Variants in VCAN observed in about 807,000 individuals in gnomAD.
VCAN encodes versican core protein.
A neutral mutation model predicts 245.5 loss-of-function variants in VCAN; 44 were observed. The ratio of observed to expected loss-of-function variants is 0.18; its 90% CI spans 0.14 to 0.23. The LOEUF (loss-of-function observed/expected upper bound fraction) is 0.23, where lower values mean the gene tolerates loss of function less well. Ranked by LOEUF, VCAN falls within the 10% of genes least tolerant of loss-of-function variation. The probability of loss-of-function intolerance (pLI) is 1.00; values close to 1 mark genes in which losing one functional copy is unlikely to be tolerated. For synonymous variants in VCAN, 1,413 were observed against 1,437.0 expected (o/e 0.98, Z 0.38); for missense variants, 3,793 against 4,057.9 (o/e 0.93, Z 1.77).
At chr5:83,562,715 C>G (rs1303853153) in intron 12 of VCAN, among the ~76,000 whole-genome samples, 2 of 151,936 alleles carry the variant, frequency 1.3e-5, no homozygotes, top group Non-Finnish European at 2.9e-5. Flanking sequence ...ACATTTGGAT[C>G]GTCAGCCCTT....
intron 2 of VCAN, among the ~76,000 whole-genome samples, chr5:83,488,514 G>A (rs1744860551): frequency 6.6e-6 from 1 of 152,256 alleles, no homozygotes; most frequent in South Asian, 2.1e-4. Context: ...CCTTTGTAAG[G>A]AATTCGACCA....
Position 83,580,662 on chromosome 5 carries a change from CCTAT to C in VCAN, c.*232_*235del, listed in dbSNP as rs372079782. On this transcript the variant is annotated 3_prime_UTR_variant, in exon 15 of 15. Coordinates refer to ENST00000265077, the MANE Select transcript of VCAN (RefSeq NM_004385.5). ...GAGAGCAGAAAGTAAGCATTTCCAG[CCTAT>C]CTAATTTCTTTAGTTTTCTATTTGC... 509 of 586,898 alleles carry C rather than the reference CCTAT, an allele frequency of 8.7e-4. 2 individuals carry two copies. The highest frequency in any genetic ancestry group is 7.5e-3 in the African/African-American group (399 of 53,418). The allele number at this position is 586,898 out of a possible 1,614,324, so 36.4% of individuals were successfully genotyped here. A position where few individuals can be genotyped will look rare whatever the true frequency, so the allele number is the denominator to read the frequency against.
At chr5:83,506,345 A>G (rs1028258196) in intron 5 of VCAN, among the ~76,000 whole-genome samples, 1 of 152,130 alleles carries the variant, frequency 6.6e-6, no homozygotes, top group Non-Finnish European at 1.5e-5. Context: ...GTGCTTAGAA[A>G]TTTCTTCCAC....
chr5:83,566,587 T>G (rs1482278477), intron 12 of VCAN, among the ~76,000 whole-genome samples: 2 of 152,146 alleles, frequency 1.3e-5, no homozygotes, highest in Non-Finnish European at 2.9e-5. Context: ...CATCATCTTT[T>G]TTTTTCCTGG....
rs1227510254 is a variant in VCAN at position 83,541,995 on chromosome 5, A to G, written c.8992A>G (p.Thr2998Ala). 8.1e-6 allele frequency: 13 copies of G among 1,612,250 alleles called. No individual in the cohort carries two copies. In the East Asian group the frequency reaches 2.9e-4, roughly 36 times the overall value. Reference sequence around the variant, plus strand: ...TGTGGTGCCTTGGCTAAGTCCACAGACTTCTGAGAGGCCCACGCTTTCTTC... The same window carrying G: ...TGTGGTGCCTTGGCTAAGTCCACAGGCTTCTGAGAGGCCCACGCTTTCTTC... ...AGVVPWLSPQTSERPTLSSSP... is the reference protein window; with the variant it reads ...AGVVPWLSPQASERPTLSSSP... Residue 2998 changes from threonine to alanine, a missense_variant, in exon 8 of 15, where the codon ACT becomes GCT. Around this residue, in one of 5 missense-constraint regions of VCAN, gnomAD observed 3,182 missense variants for 3,250.3 expected, o/e 0.98. Coordinates refer to ENST00000265077, the MANE Select transcript of VCAN (RefSeq NM_004385.5).
chr5:83,485,110 C>A (rs768736845), intron 2 of VCAN, among the ~76,000 whole-genome samples: 1 of 152,086 alleles, frequency 6.6e-6, no homozygotes, highest in Non-Finnish European at 1.5e-5. Flanking sequence ...CATCCATTAC[C>A]CCTGTATTCT....
intron 7 of VCAN, among the ~76,000 whole-genome samples, chr5:83,527,326 T>C (rs1746341033): frequency 6.6e-6 from 1 of 152,182 alleles, no homozygotes; most frequent in African/African-American, 2.4e-5. Flanking sequence ...TCTCTGAAAG[T>C]GGATGGGTCT....
intron 12 of VCAN, among the ~76,000 whole-genome samples, chr5:83,558,073 G>A (rs1307745092): frequency 1.3e-5 from 2 of 152,020 alleles, no homozygotes; most frequent in Non-Finnish European, 2.9e-5. Flanking sequence ...GGTCTCCCTC[G>A]CATTCAACTG....
rs765299048 is a variant in VCAN at position 83,539,503 on chromosome 5, A to T, written c.6500A>T (p.Asp2167Val). The stretch of plus-strand genomic sequence containing the variant: ...ACAACAAAGAAAACTTACAGTGATG[A>T]TAAAGAAATGAAGGAGGAAGACACT... ...VLTTKKTYSDDKEMKEEDTSL... is the reference protein window; with the variant it reads ...VLTTKKTYSDVKEMKEEDTSL... Residue 2167 changes from aspartate (D) to valine (V), a missense_variant, in exon 8 of 15, where the codon GAT becomes GTT. Coordinates refer to ENST00000265077, the MANE Select transcript of VCAN (RefSeq NM_004385.5). The T allele has an allele frequency of 6.2e-7, 1 of 1,613,994 alleles. No homozygotes were observed. The highest frequency in any genetic ancestry group is 1.7e-5 in the Admixed American group (1 of 59,970).
In VCAN at chr5:83,553,349, C is replaced by T. The variant is rs768279273; in HGVS notation, c.9494-15C>T. 2.5e-6 allele frequency: 4 copies of T among 1,613,840 alleles called. No homozygotes were observed. The highest frequency in any genetic ancestry group is 3.4e-6 in the Non-Finnish European group (4 of 1,179,870). ...CGTATGTGCGTTTAATAAGCTCCTG[C>T]CTGTTTCTTCTCAGATACCGAGACA... On this transcript the variant is annotated splice_polypyrimidine_tract_variant and intron_variant, in intron 10 of 14. Transcript: ENST00000265077.
At chr5:83,576,765 G>A (rs1748499133) in intron 13 of VCAN, among the ~76,000 whole-genome samples, 2 of 152,004 alleles carry the variant, frequency 1.3e-5, no homozygotes, top group Non-Finnish European at 2.9e-5. Context: ...TTGCCAATCT[G>A]GTGGGTATAA....
rs1745990536 is a variant in VCAN at position 83,519,554 on chromosome 5, A to G, written c.1248A>G (p.Thr416=). Reference sequence around the variant, plus strand: ...CCACAGTCCAACCTCAGGCTATCACAGATAGTTTAGCCACCAAATTACCCA... The same window carrying G: ...CCACAGTCCAACCTCAGGCTATCACGGATAGTTTAGCCACCAAATTACCCA... ...QKATVQPQAI[T]DSLATKLPTP... Residue 416 remains threonine, a synonymous_variant, in exon 7 of 15, where the codon ACA becomes ACG. Transcript: ENST00000265077. 1 of 1,614,166 alleles carries G rather than the reference A, an allele frequency of 6.2e-7. No homozygotes were observed. The highest frequency in any genetic ancestry group is 8.5e-7 in the Non-Finnish European group (1 of 1,179,988).
intron 12 of VCAN, among the ~76,000 whole-genome samples, chr5:83,566,288 A>C (rs1271270232): frequency 6.6e-6 from 1 of 152,106 alleles, no homozygotes; most frequent in African/African-American, 2.4e-5. Flanking sequence ...TAACCTTTGC[A>C]AAAAGGCAGT....
In VCAN at chr5:83,521,415, T is replaced by C. The variant is rs146763344; in HGVS notation, c.3109T>C (p.Trp1037Arg). Residue 1037 changes from tryptophan (W) to arginine (R), a missense_variant, in exon 7 of 15, where the codon TGG becomes CGG. This residue lies in a region of VCAN where 3,182 missense variants were observed against 3,250.3 expected (regional missense o/e 0.98). Coordinates refer to ENST00000265077, the MANE Select transcript of VCAN (RefSeq NM_004385.5). ...TEGTTQEEFP[W>R]KEQTAEKPVP... ...GGGAACAACTCAGGAAGAATTCCCT[T>C]GGAAAGAACAGACTGCAGAGAAACC... 2.6e-5 allele frequency: 42 copies of C among 1,613,984 alleles called. No homozygotes were observed. The African/African-American group carries it at 4.7e-4, about 18-fold the overall frequency.
intron 1 of VCAN, among the ~76,000 whole-genome samples, chr5:83,479,151 A>G (rs1396838066): frequency 1.3e-5 from 2 of 152,192 alleles, no homozygotes; most frequent in African/African-American, 2.4e-5. Flanking sequence ...ACCAGTGAGC[A>G]ATATGATATG....
chr5:83,537,500 T>G lies in VCAN; in HGVS notation c.4497T>G (p.Asp1499Glu), dbSNP rs756940964. The G allele has an allele frequency of 1.9e-6, 3 of 1,613,946 alleles. No individual in the cohort carries two copies. Among genetic ancestry groups the G allele is most frequent in the East Asian group, 2.2e-5 (1 of 44,854 alleles). ...AACATTTTTCAGGTGGTGAGCCTGA[T>G]GTTTTCCCCACAGTCCCATTCCATG... ...TSEHFSGGEP[D>E]VFPTVPFHEE... The change falls in exon 8 of 15, where the codon GAT (aspartate) becomes GAG (glutamate). Residue 1499 changes from aspartate to glutamate, a missense_variant. Physicochemically the swap from Asp to Glu is conservative, Grantham distance 45. Coordinates refer to ENST00000265077, the MANE Select transcript of VCAN (RefSeq NM_004385.5).
In VCAN at chr5:83,483,577, C is replaced by T. The variant is rs750206974; in HGVS notation, c.59C>T (p.Ala20Val). The T allele has an allele frequency of 5.6e-6, 9 of 1,612,852 alleles. No individual in the cohort carries two copies. Among genetic ancestry groups the T allele is most frequent in the East Asian group, 2.2e-5 (1 of 44,772 alleles). ...WMCSTLIVTH[A>V]LHKVKVGKSP... ...TGTTCAACCTTAATAGTAACCCATG[C>T]GCTACATAAAGGTGAGTGTGCTAAC... The change falls in exon 2 of 15, where the codon GCG becomes GTG. Residue 20 changes from alanine to valine, a missense_variant. Ala to Val is a moderately conservative substitution (Grantham distance 64). Coordinates refer to ENST00000265077, the MANE Select transcript of VCAN (RefSeq NM_004385.5).
chr5:83,559,208 A>G (rs1162103267), intron 12 of VCAN, among the ~76,000 whole-genome samples: 2 of 152,256 alleles, frequency 1.3e-5, no homozygotes, highest in East Asian at 1.9e-4. Context: ...TTTCTTATCT[A>G]GCTTATATAC....
At chr5:83,510,465 CAT>C (rs1271546584) in intron 5 of VCAN, among the ~76,000 whole-genome samples, 10 of 152,186 alleles carry the variant, frequency 6.6e-5, no homozygotes, top group Admixed American at 6.5e-4. Context: ...TCTAATATAT[CAT>C]AGAATCAGAG....
Sources: allele counts gnomAD v4.1 joint callset (sites outside exome capture counted in the v4.1 genomes callset), GRCh38; gene constraint gnomAD v4.1.1; regional missense constraint gnomAD v4.1.1; transcripts MANE v1.5; gene names NCBI Gene and HGNC (gene_info 2026-07-23, HGNC 2026-07-21).